Variants in PCDHGA9 observed in about 807,000 individuals in gnomAD.
PCDHGA9 encodes protocadherin gamma subfamily A, 9.
A neutral mutation model predicts 62.5 loss-of-function variants in PCDHGA9; 37 were observed. The ratio of observed to expected loss-of-function variants is 0.59; its 90% CI spans 0.46 to 0.78. PCDHGA9 has a LOEUF of 0.78. Among genes scored for constraint, PCDHGA9 ranks in the 30% least tolerant of loss-of-function variants. The probability of loss-of-function intolerance (pLI) is 0.00; values close to 1 mark genes in which losing one functional copy is unlikely to be tolerated. For synonymous variants in PCDHGA9, 459 were observed against 484.6 expected, an observed-to-expected ratio of 0.95 and a Z score of 0.69; for missense variants, 1,138 against 1,166.2, an observed-to-expected ratio of 0.98 and a Z score of 0.35.
intron 1 of PCDHGA9, among the ~76,000 whole-genome samples, chr5:141,447,632 T>G (rs931349669): frequency 9.2e-5 from 14 of 152,160 alleles, no homozygotes; most frequent in Non-Finnish European, 2.1e-4. Flanking sequence ...ACCAACAGTA[T>G]GAATGATGGT....
intron 1 of PCDHGA9, among the ~76,000 whole-genome samples, chr5:141,462,688 A>G (rs919098530): frequency 3.9e-5 from 6 of 152,126 alleles, no homozygotes; most frequent in African/African-American, 1.4e-4. Flanking sequence ...TTTTGAGCAC[A>G]TTTATAATGG....
chr5:141,410,080 G>A (rs758499736), intron 1 of PCDHGA9: 2 of 1,612,672 alleles, frequency 1.2e-6, no homozygotes, highest in African/African-American at 2.7e-5. Context: ...CTGGGGAGGT[G>A]CGCACGGCTC....
chr5:141,486,722 G>C lies in PCDHGA9; in HGVS notation c.2425-8085G>C, dbSNP rs1235454839. The C allele has an allele frequency of 6.2e-7, 1 of 1,614,200 alleles. No homozygotes were observed. Among genetic ancestry groups the C allele is most frequent in the East Asian group, 2.2e-5 (1 of 44,874 alleles). ...CTCTCTGAACCCCCAGACAGGAGCT[G>C]TTCATGCTACTCGATCCTTTGACTA... On this transcript the variant is annotated intron_variant, in intron 1 of 3. Transcript: ENST00000573521. This position sits in a 1 kb window ranked among gnomAD's most constrained non-coding sequence, Gnocchi z 5.0.
At chr5:141,466,871 T>C (rs1432611218) in intron 1 of PCDHGA9, among the ~76,000 whole-genome samples, 2 of 152,166 alleles carry the variant, frequency 1.3e-5, no homozygotes, top group African/African-American at 4.8e-5. Flanking sequence ...ATCCACACAT[T>C]TTTTTCATAA....
intron 1 of PCDHGA9, among the ~76,000 whole-genome samples, chr5:141,437,246 C>A (rs897787623): frequency 6.6e-6 from 1 of 152,144 alleles, no homozygotes; most frequent in Non-Finnish European, 1.5e-5. Context: ...CAAGGACTTT[C>A]CTTGTCTTTT....
intron 1 of PCDHGA9, among the ~76,000 whole-genome samples, chr5:141,458,992 C>G (rs1268862644): frequency 6.6e-6 from 1 of 152,190 alleles, no homozygotes; most frequent in African/African-American, 2.4e-5. Flanking sequence ...CTCACCCTCC[C>G]AAAGTGCTGG....
rs200715621 is a variant in PCDHGA9 at position 141,432,628 on chromosome 5, G to A, written c.2424+27252G>A. 3.2e-4 allele frequency: 515 copies of A among 1,611,902 alleles called. No individual in the cohort carries two copies. Among genetic ancestry groups the A allele is most frequent in the Non-Finnish European group, 4.2e-4 (497 of 1,179,404 alleles). On this transcript the variant is annotated intron_variant, in intron 1 of 3. Coordinates refer to ENST00000573521, the MANE Select transcript of PCDHGA9 (RefSeq NM_018921.3). The surrounding 1 kb of genome is among the most constrained non-coding windows in gnomAD (Gnocchi z 6.0). ...GACTCTTCTCGGTGGGTCTGCACAC[G>A]GGCGAGGTGCGCACGGCGCGAGCCC...
At position 141,489,783 on chromosome 5, in the gene PCDHGA9, T is replaced by C; in HGVS notation, c.2425-5024T>C. The C allele has an allele frequency of 6.2e-7, 1 of 1,614,164 alleles. No individual in the cohort carries two copies. On this transcript the variant is annotated intron_variant, in intron 1 of 3. Transcript: ENST00000573521. The surrounding 1 kb of genome is among the most constrained non-coding windows in gnomAD (Gnocchi z 4.5). ...GCCCCAACAGCCACTTCTCTCTGAA[T>C]GTGAAGACCCTAAAAGATGGGAAGC... is the stretch of plus-strand genomic sequence containing the variant.
chr5:141,423,612 TGAAGAC>T, intron 1 of PCDHGA9: 1 of 1,611,004 alleles, frequency 6.2e-7, no homozygotes, highest in African/African-American at 1.3e-5. Flanking sequence ...TCTTGATAGC[TGAAGAC>T]TCAGCTATCA....
rs200686404 is a variant in PCDHGA9 at position 141,477,185 on chromosome 5, G to A, written c.2425-17622G>A. On this transcript the variant is annotated intron_variant, in intron 1 of 3. Transcript: ENST00000573521. The surrounding 1 kb of genome is among the most constrained non-coding windows in gnomAD (Gnocchi z 4.9). ...CGCCCCGGAGATCACAGTCACCTCCGTGTACAGCCCAGTACCCGAGGATGC... is the reference window on the plus strand; with the variant it reads ...CGCCCCGGAGATCACAGTCACCTCCATGTACAGCCCAGTACCCGAGGATGC... 1.2e-6 allele frequency: 2 copies of A among 1,614,210 alleles called. No individual in the cohort carries two copies. Among genetic ancestry groups the A allele is most frequent in the South Asian group, 1.1e-5 (1 of 91,084 alleles).
intron 1 of PCDHGA9, among the ~76,000 whole-genome samples, chr5:141,456,124 C>G (rs2098844023): frequency 6.6e-6 from 1 of 152,072 alleles, no homozygotes. Context: ...GTCTCCATCT[C>G]CTGACCTCCT....
chr5:141,421,997 G>A, intron 1 of PCDHGA9: 1 of 1,609,178 alleles, frequency 6.2e-7, no homozygotes. Flanking sequence ...GAAAACATCA[G>A]CTCCGGAACT....
chr5:141,476,825 G>A lies in PCDHGA9; in HGVS notation c.2425-17982G>A. ...GCCTATTCACATCAAGGTGCTGGACGCGAATGACAATGCGCCTGTCTTCAA... is the reference window on the plus strand; with the variant it reads ...GCCTATTCACATCAAGGTGCTGGACACGAATGACAATGCGCCTGTCTTCAA... On this transcript the variant is annotated intron_variant, in intron 1 of 3. Transcript: ENST00000573521. The surrounding 1 kb of genome is among the most constrained non-coding windows in gnomAD (Gnocchi z 7.6). 6.2e-7 allele frequency: 1 copy of A among 1,613,554 alleles called. No individual in the cohort carries two copies. Among genetic ancestry groups the A allele is most frequent in the East Asian group, 2.2e-5 (1 of 44,870 alleles).
chr5:141,484,867 G>C lies in PCDHGA9; in HGVS notation c.2425-9940G>C, dbSNP rs573580017. The C allele has an allele frequency of 1.8e-5, 5 of 282,560 alleles. No homozygotes were observed. The Admixed American group carries it at 1.9e-4, about 11-fold the overall frequency. The allele number at this position is 282,560 out of a possible 1,614,324, so 17.5% of individuals were successfully genotyped here. A position where few individuals can be genotyped will look rare whatever the true frequency, so the allele number is the denominator to read the frequency against. ...TGGGTTTTTTGGGGGGTGGGGGAGC[G>C]TGGAGGATAGGGTGGGCTTTTTCCC... On this transcript the variant is annotated intron_variant, in intron 1 of 3. Coordinates refer to ENST00000573521, the MANE Select transcript of PCDHGA9 (RefSeq NM_018921.3).
At chr5:141,480,763 A>G (rs541754723) in intron 1 of PCDHGA9, among the ~76,000 whole-genome samples, 1 of 152,308 alleles carries the variant, frequency 6.6e-6, no homozygotes, top group East Asian at 1.9e-4. Flanking sequence ...GAAGGTCCCC[A>G]CTTGATCCTA....
At chr5:141,465,644 A>G (rs1320011410) in intron 1 of PCDHGA9, among the ~76,000 whole-genome samples, 2 of 152,186 alleles carry the variant, frequency 1.3e-5, no homozygotes, top group African/African-American at 4.8e-5. Context: ...TGCTTTGAAC[A>G]TCCCAAAAAA....
intron 1 of PCDHGA9, chr5:141,430,836 C>T: frequency 6.4e-7 from 1 of 1,558,936 alleles, no homozygotes; most frequent in South Asian, 1.2e-5. Context: ...CTGTGGGAGA[C>T]CGGATGCACC....
intron 1 of PCDHGA9, chr5:141,408,115 C>A (rs2095044760): frequency 9.6e-6 from 14 of 1,461,430 alleles, no homozygotes; most frequent in South Asian, 2.9e-5. Flanking sequence ...GGGACTCCTC[C>A]TGTCCTGGGC....
intron 1 of PCDHGA9, chr5:141,408,100 G>A (rs1474827605): frequency 9.7e-6 from 14 of 1,438,178 alleles, no homozygotes; most frequent in African/African-American, 1.4e-5. Context: ...CCAGCTCCGA[G>A]ACCCGGGACT....
Sources: gnomAD v4.1 joint callset for allele counts (sites outside exome capture counted in the v4.1 genomes callset) on GRCh38, gnomAD v4.1.1 for gene constraint, Gnocchi (gnomAD v3.1) non-coding constraint, MANE v1.5 for transcripts, NCBI Gene and HGNC (gene_info 2026-07-23, HGNC 2026-07-21) for gene names.